Variants in KCTD14 observed in about 807,000 individuals in gnomAD.
The protein encoded by KCTD14 is potassium channel tetramerization domain containing 14.
A neutral mutation model predicts 5.9 loss-of-function variants in KCTD14; 7 were observed. The ratio of observed to expected loss-of-function variants is 1.19; its 90% CI spans 0.68 to 2.23. KCTD14 has a LOEUF of 2.23. Ranked by LOEUF, KCTD14 falls within the 30% of genes most tolerant of loss-of-function variation. The pLI is 0.00. For synonymous variants in KCTD14, 140 were observed against 133.1 expected (o/e 1.05, Z -0.36); for missense variants, 342 against 332.2 (o/e 1.03, Z -0.23).
In KCTD14 at chr11:78,028,953, G is replaced by A. The variant is rs139979296; in HGVS notation, c.-1+9711C>T. Among the ~76,000 whole-genome samples, 945 of 152,176 alleles carry A rather than the reference G, an allele frequency of 6.2e-3. 8 individuals carry two copies. The highest frequency in any genetic ancestry group is 0.017 in the Middle Eastern group (5 of 294). ...GTGGCTCAGCACTTTGGGAGGCCGAGGTGGGCAGATCACTTCAGGTCAGGA... is the reference window on the plus strand; with the variant it reads ...GTGGCTCAGCACTTTGGGAGGCCGAAGTGGGCAGATCACTTCAGGTCAGGA... On this transcript the variant is annotated intron_variant, in intron 2 of 2. Transcript: ENST00000533144.
At position 78,033,901 on chromosome 11, in the gene KCTD14, G is replaced by GTGTGTATATATATA; in HGVS notation, c.-1+4762_-1+4763insTATATATATACACA. On this transcript the variant is annotated intron_variant, in intron 2 of 2. Transcript: ENST00000533144. ...ATAGTGTGTGTGTATGTGTGTGTGT[G>GTGTGTATATATATA]TATATATATATATACACACATTATA... Among the ~76,000 whole-genome samples, 13 of 115,586 alleles carry GTGTGTATATATATA rather than the reference G, an allele frequency of 1.1e-4. No homozygotes were observed. In the East Asian group the frequency reaches 1.5e-3, roughly 14 times the overall value. The allele number at this position is 115,586 out of a possible 152,430, so 75.8% of individuals were successfully genotyped here. A position where few individuals can be genotyped will look rare whatever the true frequency, so the allele number is the denominator to read the frequency against.
chr11:78,029,242 T>G (rs1857552251), intron 2 of KCTD14, among the ~76,000 whole-genome samples: 1 of 151,632 alleles, frequency 6.6e-6, no homozygotes, highest in Non-Finnish European at 1.5e-5. Context: ...TAAGGACGGC[T>G]TAGAAATCCT....
chr11:78,017,413 G>A (rs950151426), intron 1 of KCTD14, 143 bp from the exon 2 acceptor site: 3 of 1,102,176 alleles, frequency 2.7e-6, no homozygotes, highest in Non-Finnish European at 3.7e-6. Flanking sequence ...TCTTACTAAA[G>A]AGGGTTATAT....
intron 2 of KCTD14, among the ~76,000 whole-genome samples, chr11:78,036,865 C>T (rs1348385814): frequency 1.3e-5 from 2 of 152,196 alleles, no homozygotes; most frequent in African/African-American, 4.8e-5. Flanking sequence ...GGATAAATCG[C>T]TGCTAAGTGA....
chr11:78,019,323 T>G (rs1195668855), intron 1 of KCTD14, among the ~76,000 whole-genome samples: 1 of 151,894 alleles, frequency 6.6e-6, no homozygotes, highest in Non-Finnish European at 1.5e-5. Flanking sequence ...AGAAATGAAT[T>G]TTTTTTTAAG....
At chr11:78,042,511 G>GAA in intron 1 of KCTD14, among the ~76,000 whole-genome samples, 1 of 141,960 alleles carries the variant, frequency 7.0e-6, no homozygotes. Flanking sequence ...ATCTCAAAAA[G>GAA]AAAAAAAAAA....
chr11:78,027,270 T>A (rs1342499227), upstream of KCTD14, among the ~76,000 whole-genome samples: 1 of 152,066 alleles, frequency 6.6e-6, no homozygotes, highest in African/African-American at 2.4e-5. Context: ...TGGAAACTCA[T>A]GCCTGTAATC....
chr11:78,017,371 A>G, intron 1 of KCTD14, 101 bp from the exon 2 acceptor site: 2 of 1,407,832 alleles, frequency 1.4e-6, no homozygotes, highest in Middle Eastern at 2.4e-4. Flanking sequence ...TAGGGGAGCC[A>G]TAATGATTGG....
chr11:78,019,749 C>T (rs1311417561), intron 1 of KCTD14, among the ~76,000 whole-genome samples: 3 of 152,158 alleles, frequency 2.0e-5, no homozygotes, highest in Admixed American at 6.5e-5. Context: ...TCACAAACTG[C>T]GAAGTGCAGT....
At chr11:78,018,389 T>C (rs1227257762) in intron 1 of KCTD14, among the ~76,000 whole-genome samples, 2 of 151,542 alleles carry the variant, frequency 1.3e-5, no homozygotes, top group Non-Finnish European at 1.5e-5. Flanking sequence ...GTTTTTTAAA[T>C]AGATTTAAGG....
chr11:78,032,107 G>A (rs1397481302), intron 2 of KCTD14, among the ~76,000 whole-genome samples: 3 of 152,176 alleles, frequency 2.0e-5, no homozygotes, highest in Non-Finnish European at 4.4e-5. Context: ...ACCATTTCTG[G>A]GAGGAATCTG....
upstream of KCTD14, among the ~76,000 whole-genome samples, chr11:78,025,110 GTGTGTGTGTATATATATA>G (rs1381502541): frequency 2.4e-3 from 168 of 70,016 alleles, 1 homozygote; most frequent in African/African-American, 9.3e-3. Flanking sequence ...GTGTGTGTGT[GTGTGTGTGTATATATATA>G]TATATATATA....
At chr11:78,044,302 G>T (rs1361094484) in intron 1 of KCTD14, among the ~76,000 whole-genome samples, 5 of 152,120 alleles carry the variant, frequency 3.3e-5, no homozygotes, top group African/African-American at 1.2e-4. Context: ...TGCTAGGAAG[G>T]GGCTGCACTG....
intron 2 of KCTD14, among the ~76,000 whole-genome samples, chr11:78,029,931 A>G (rs1163240417): frequency 6.6e-6 from 1 of 151,780 alleles, no homozygotes; most frequent in East Asian, 1.9e-4. Context: ...ACAGGCGCCC[A>G]CCACCACGCC....
chr11:78,045,890 G>A (rs1020298023), intron 1 of KCTD14, among the ~76,000 whole-genome samples: 2 of 152,116 alleles, frequency 1.3e-5, no homozygotes, highest in African/African-American at 2.4e-5. Flanking sequence ...CCCCACCCAG[G>A]AAGAGTCCGA....
At chr11:78,027,048 G>A (rs996204845), upstream of KCTD14, among the ~76,000 whole-genome samples, 4 of 151,922 alleles carry the variant, frequency 2.6e-5, no homozygotes, top group African/African-American at 9.7e-5. Context: ...GCAGTGAGCC[G>A]AGATTATGCC....
At chr11:78,031,047 T>C (rs1318169437) in intron 2 of KCTD14, among the ~76,000 whole-genome samples, 2 of 69,230 alleles carry the variant, frequency 2.9e-5, no homozygotes, top group East Asian at 6.6e-4. Context: ...CAAGTAATGG[T>C]TTTTTTTTTT....
Position 78,016,380 on chromosome 11 carries a change from A to T in KCTD14, c.*213T>A. On this transcript the variant is annotated 3_prime_UTR_variant, in exon 2 of 2. Coordinates refer to ENST00000353172, the MANE Select transcript of KCTD14 (RefSeq NM_023930.4). ...TCTGGGAGATACATGAGGCTTTGAAAAGGAAGTAGCTGCAAGTTGCTAGGC... is the reference window on the plus strand; with the variant it reads ...TCTGGGAGATACATGAGGCTTTGAATAGGAAGTAGCTGCAAGTTGCTAGGC... The T allele has an allele frequency of 1.7e-6, 1 of 587,352 alleles. No homozygotes were observed. Among genetic ancestry groups the T allele is most frequent in the Non-Finnish European group, 3.0e-6 (1 of 332,010 alleles). The allele number at this position is 587,352 out of a possible 1,614,324, so 36.4% of individuals were successfully genotyped here. A position where few individuals can be genotyped will look rare whatever the true frequency, so the allele number is the denominator to read the frequency against.
chr11:78,039,283 G>A lies in KCTD14; in HGVS notation c.-95-525C>T, dbSNP rs562606889. 4.6e-5 allele frequency among the ~76,000 whole-genome samples: 7 copies of A among 152,082 alleles called. No individual in the cohort carries two copies. The East Asian group carries it at 5.8e-4, about 13-fold the overall frequency. On this transcript the variant is annotated intron_variant, in intron 1 of 2. Coordinates refer to the KCTD14 transcript ENST00000533144. ...TGTAATCCCAGCACTTTGAGAGGCC[G>A]AGGCAGGCAGACCGCTTGAGCCCAG...
Sources: allele counts gnomAD v4.1 joint callset (sites outside exome capture counted in the v4.1 genomes callset), GRCh38; gene constraint gnomAD v4.1.1; transcripts MANE v1.5; gene names NCBI Gene and HGNC (gene_info 2026-07-23, HGNC 2026-07-21).